Variants in NRXN3 observed in about 807,000 individuals in gnomAD.
NRXN3 encodes neurexin III.
A neutral mutation model predicts 137.6 loss-of-function variants in NRXN3; 32 were observed. The ratio of observed to expected loss-of-function variants is 0.23; its 90% CI spans 0.18 to 0.31. The LOEUF is 0.31. Among genes scored for constraint, NRXN3 ranks in the 10% least tolerant of loss-of-function variants. The pLI is 1.00. For synonymous variants in NRXN3, 798 were observed against 784.5 expected, an observed-to-expected ratio of 1.02 and a Z score of -0.29; for missense variants, 1,574 against 2,062.5, an observed-to-expected ratio of 0.76 and a Z score of 4.59.
At chr14:78,410,278 T>C (rs980563942) in intron 4 of NRXN3, among the ~76,000 whole-genome samples, 3 of 152,190 alleles carry the variant, frequency 2.0e-5, no homozygotes, top group Non-Finnish European at 4.4e-5. Context: ...TAGTGACATC[T>C]TCAATGGAAG....
intron 16 of NRXN3, among the ~76,000 whole-genome samples, chr14:79,593,028 T>A (rs1232979818): frequency 6.6e-6 from 1 of 152,200 alleles, no homozygotes; most frequent in East Asian, 1.9e-4. Context: ...CTTGTTTTTA[T>A]TTCACTTATT....
At chr14:79,200,844 T>A (rs1337641150) in intron 15 of NRXN3, among the ~76,000 whole-genome samples, 1 of 146,786 alleles carries the variant, frequency 6.8e-6, no homozygotes, top group Non-Finnish European at 1.5e-5. Context: ...TTTTTTTTTT[T>A]TTTTTTTTTT....
intron 19 of NRXN3, among the ~76,000 whole-genome samples, chr14:79,764,489 T>TTATCTTG (rs2099049627): frequency 6.6e-6 from 1 of 152,220 alleles, no homozygotes; most frequent in African/African-American, 2.4e-5. Context: ...TTACATTGTT[T>TTATCTTG]TATCTTGTTT....
At chr14:78,359,405 C>T (rs1196127309) in intron 4 of NRXN3, among the ~76,000 whole-genome samples, 5 of 152,302 alleles carry the variant, frequency 3.3e-5, no homozygotes, top group South Asian at 2.1e-4. Flanking sequence ...CAGAGGGCCC[C>T]GTGCTCAGAA....
At chr14:79,773,871 T>G (rs564813519) in intron 19 of NRXN3, among the ~76,000 whole-genome samples, 34 of 150,936 alleles carry the variant, frequency 2.3e-4, no homozygotes, top group Non-Finnish European at 4.9e-4. Context: ...ATCTGGAATC[T>G]GTTCTCTTAA....
In NRXN3 at chr14:78,420,518, T is replaced by A. The variant is rs567581260; in HGVS notation, c.757+122658T>A. ...AGTTTCCAGCTCCAGGCAAAACATTTACACTCCTCACCTTTCAGTGCTATC... is the reference window on the plus strand; with the variant it reads ...AGTTTCCAGCTCCAGGCAAAACATTAACACTCCTCACCTTTCAGTGCTATC... On this transcript the variant is annotated intron_variant, in intron 4 of 20. Coordinates refer to ENST00000335750, the MANE Select transcript of NRXN3 (RefSeq NM_001330195.2). Among the ~76,000 whole-genome samples, 23 of 152,334 alleles carry A rather than the reference T, an allele frequency of 1.5e-4. No individual in the cohort carries two copies. The East Asian group carries it at 4.3e-3, about 28-fold the overall frequency.
Position 79,648,019 on chromosome 14 carries a change from GAGAC to G in NRXN3, c.3445-15753_3445-15750del, listed in dbSNP as rs2153967916. Among the ~76,000 whole-genome samples, 2 of 135,296 alleles carry G rather than the reference GAGAC, an allele frequency of 1.5e-5. 1 individual carries two copies. Among genetic ancestry groups the G allele is most frequent in the Admixed American group, 1.6e-4 (2 of 12,708 alleles). The allele number at this position is 135,296 out of a possible 152,430, so 88.8% of individuals were successfully genotyped here. ...GTTAAAAAAACAAAAAAGTTTGCAA[GAGAC>G]AGACAAGTTATTTGAACGGAATGAA... On this transcript the variant is annotated intron_variant, in intron 16 of 20. Coordinates refer to ENST00000335750, the MANE Select transcript of NRXN3 (RefSeq NM_001330195.2).
chr14:79,546,153 TC>T (rs377718831), intron 16 of NRXN3, among the ~76,000 whole-genome samples: 116 of 152,234 alleles, frequency 7.6e-4, no homozygotes, highest in African/African-American at 2.7e-3. Context: ...TAAACCTCTT[TC>T]TTTTGTAAAT....
chr14:79,207,138 A>C (rs1047864362), intron 15 of NRXN3, among the ~76,000 whole-genome samples: 3 of 152,156 alleles, frequency 2.0e-5, no homozygotes, highest in Middle Eastern at 3.2e-3. Context: ...TCAATGAGAA[A>C]TCTTCTGCAA....
At chr14:78,175,983 T>C (rs542397222) in intron 1 of NRXN3, among the ~76,000 whole-genome samples, 2 of 152,376 alleles carry the variant, frequency 1.3e-5, no homozygotes, top group South Asian at 4.1e-4. Flanking sequence ...AAGGACTTTG[T>C]GTTCATTGTG....
chr14:79,057,021 TATAAG>T (rs1183606860), intron 15 of NRXN3, among the ~76,000 whole-genome samples: 2 of 151,706 alleles, frequency 1.3e-5, no homozygotes, highest in Admixed American at 6.5e-5. Flanking sequence ...CCTTGTATGT[TATAAG>T]ATGATTGTTG....
chr14:79,753,707 A>T (rs1461933083), intron 19 of NRXN3, among the ~76,000 whole-genome samples: 1 of 151,014 alleles, frequency 6.6e-6, no homozygotes, highest in Non-Finnish European at 1.5e-5. Flanking sequence ...GTACCCTAAA[A>T]CTTAAAGTAT....
intron 15 of NRXN3, among the ~76,000 whole-genome samples, chr14:79,067,131 A>T (rs914370067): frequency 1.3e-5 from 2 of 152,036 alleles, no homozygotes; most frequent in Non-Finnish European, 1.5e-5. Flanking sequence ...CTATTTTGAG[A>T]TATGTTTCTT....
intron 15 of NRXN3, among the ~76,000 whole-genome samples, chr14:79,407,089 T>C (rs2095328620): frequency 1.3e-5 from 2 of 152,160 alleles, no homozygotes; most frequent in Non-Finnish European, 2.9e-5. Flanking sequence ...TGGGGTTTCA[T>C]AATTTCTGCC....
At chr14:78,601,859 A>G (rs1024285499) in intron 4 of NRXN3, among the ~76,000 whole-genome samples, 1 of 152,110 alleles carries the variant, frequency 6.6e-6, no homozygotes, top group Non-Finnish European at 1.5e-5. Flanking sequence ...TATGCTATTT[A>G]TTCTCCCTCC....
chr14:78,510,095 A>G (rs1056846360), intron 4 of NRXN3, among the ~76,000 whole-genome samples: 1 of 149,138 alleles, frequency 6.7e-6, no homozygotes, highest in Admixed American at 6.6e-5. Context: ...GTAACATACT[A>G]GTTGCAAGGG....
intron 15 of NRXN3, among the ~76,000 whole-genome samples, chr14:79,364,901 T>TA (rs1360830303): frequency 6.6e-6 from 1 of 152,162 alleles, no homozygotes; most frequent in Non-Finnish European, 1.5e-5. Context: ...TGCCCCTACT[T>TA]ACTATTCAAA....
intron 16 of NRXN3, among the ~76,000 whole-genome samples, chr14:79,530,718 G>A (rs1028243982): frequency 6.6e-6 from 1 of 152,154 alleles, no homozygotes; most frequent in Middle Eastern, 3.4e-3. Context: ...CAAGGAGGGG[G>A]AAATGGGATT....
At chr14:78,352,643 G>A (rs2083705136) in intron 4 of NRXN3, among the ~76,000 whole-genome samples, 2 of 152,092 alleles carry the variant, frequency 1.3e-5, no homozygotes, top group East Asian at 3.9e-4. Flanking sequence ...GCAACTCCTT[G>A]GATTTTCTGC....
Sources: allele counts gnomAD v4.1 joint callset (sites outside exome capture counted in the v4.1 genomes callset), GRCh38; gene constraint gnomAD v4.1.1; transcripts MANE v1.5; gene names NCBI Gene and HGNC (gene_info 2026-07-23, HGNC 2026-07-21).